The following TSPAN9 variants were observed in gnomAD, a reference collection of about 807,000 sequenced individuals.
The protein encoded by TSPAN9 is tetraspanin 9.
TSPAN9 carries 16 observed loss-of-function variants against 31.0 expected under a neutral mutation model. The ratio of observed to expected loss-of-function variants is 0.52; its 90% CI spans 0.35 to 0.78. The LOEUF (loss-of-function observed/expected upper bound fraction) is 0.78, where lower values mean the gene tolerates loss of function less well. TSPAN9 is among the 30% of genes least tolerant of loss of function. The pLI is 0.01. For synonymous variants in TSPAN9, 145 were observed against 121.6 expected, an observed-to-expected ratio of 1.19 and a Z score of -1.27; for missense variants, 272 against 312.5, an observed-to-expected ratio of 0.87 and a Z score of 0.98.
At chr12:3,211,037 C>T (rs542893883) in intron 3 of TSPAN9, among the ~76,000 whole-genome samples, 4 of 152,300 alleles carry the variant, frequency 2.6e-5, no homozygotes, top group African/African-American at 9.6e-5. Flanking sequence ...TGAGCCACGG[C>T]GCCCTGCTTC....
At chr12:3,137,283 G>C (rs2098332551) in intron 2 of TSPAN9, among the ~76,000 whole-genome samples, 1 of 152,154 alleles carries the variant, frequency 6.6e-6, no homozygotes, top group Non-Finnish European at 1.5e-5. Flanking sequence ...CCCGCAGCTG[G>C]GCCCTGCCCA....
intron 3 of TSPAN9, among the ~76,000 whole-genome samples, chr12:3,246,827 C>G (rs1002072598): frequency 6.6e-6 from 1 of 152,226 alleles, no homozygotes; most frequent in African/African-American, 2.4e-5. Context: ...AGGAACTGCC[C>G]TAGGACCAGG....
chr12:3,241,792 C>T (rs1013642892), intron 3 of TSPAN9, among the ~76,000 whole-genome samples: 11 of 152,116 alleles, frequency 7.2e-5, no homozygotes, highest in African/African-American at 2.4e-4. Flanking sequence ...GCCTGGGCTC[C>T]GGTGTGTGTC....
At chr12:3,109,151 T>A (rs1057149783) in intron 2 of TSPAN9, among the ~76,000 whole-genome samples, 1 of 151,892 alleles carries the variant, frequency 6.6e-6, no homozygotes, top group Admixed American at 6.6e-5. Context: ...TTAGCCAGGA[T>A]GGTCTCGATC....
intron 6 of TSPAN9, 36 bp from the exon 7 acceptor site, chr12:3,281,162 G>A (rs767835818): frequency 6.5e-6 from 10 of 1,549,864 alleles, no homozygotes; most frequent in Non-Finnish European, 8.7e-6. Context: ...GCGGGCCATG[G>A]CATGTCTGAC....
intron 2 of TSPAN9, among the ~76,000 whole-genome samples, chr12:3,114,013 C>T (rs2098320711): frequency 6.6e-6 from 1 of 152,246 alleles, no homozygotes; most frequent in South Asian, 2.1e-4. Flanking sequence ...CCCTGACTGT[C>T]ATCCTCAGTG....
At chr12:3,219,732 A>T (rs1281254727) in intron 3 of TSPAN9, among the ~76,000 whole-genome samples, 3 of 151,952 alleles carry the variant, frequency 2.0e-5, no homozygotes, top group Admixed American at 2.0e-4. Context: ...TAGGGGAGGG[A>T]TAGCATTAGG....
In TSPAN9 at chr12:3,281,317, T is replaced by C. The variant is rs1055001868; in HGVS notation, c.552T>C (p.Pro184=). ...GCTGCGGGCGCAACGCCACCACGCC[T>C]TTGTGGAGAACGGTGAGGCTGGGGA... ...SQGCGRNATT[P]LWRTGCYEKV... is the part of the protein sequence containing the mutation. The change falls in exon 7 of 9, where the codon CCT becomes CCC. Residue 184 remains proline, a synonymous_variant. Coordinates refer to ENST00000011898, the MANE Select transcript of TSPAN9 (RefSeq NM_006675.5). The C allele has an allele frequency of 1.1e-5, 17 of 1,549,812 alleles. No homozygotes were observed. The African/African-American group carries it at 2.3e-4, about 21-fold the overall frequency.
intron 2 of TSPAN9, among the ~76,000 whole-genome samples, chr12:3,154,010 ATGTG>A (rs56928697): frequency 5.3e-4 from 78 of 147,972 alleles, no homozygotes; most frequent in South Asian, 2.2e-3. Flanking sequence ...TTATATATAT[ATGTG>A]TGTGTGTGTG....
At chr12:3,207,000 A>G (rs1473371755) in intron 3 of TSPAN9, among the ~76,000 whole-genome samples, 1 of 152,020 alleles carries the variant, frequency 6.6e-6, no homozygotes, top group Non-Finnish European at 1.5e-5. Context: ...TCCAAGGGGG[A>G]GACAGCACCT....
intron 2 of TSPAN9, among the ~76,000 whole-genome samples, chr12:3,185,512 C>T (rs1004114577): frequency 1.3e-5 from 2 of 152,170 alleles, no homozygotes; most frequent in African/African-American, 4.8e-5. Flanking sequence ...AGTTTCCAGT[C>T]TGTGTAGAGA....
At chr12:3,134,388 C>A (rs2098331157) in intron 2 of TSPAN9, among the ~76,000 whole-genome samples, 1 of 152,186 alleles carries the variant, frequency 6.6e-6, no homozygotes, top group East Asian at 1.9e-4. Context: ...CCGAGATGAT[C>A]ATTCATTGTA....
Position 3,280,468 on chromosome 12 carries a change from C to T in TSPAN9, c.417C>T (p.Asn139=). The T allele has an allele frequency of 6.2e-7, 1 of 1,612,580 alleles. No individual in the cohort carries two copies. The highest frequency in any genetic ancestry group is 8.5e-7 in the Non-Finnish European group (1 of 1,179,920). ...ACGTGGGGCTGAAGAACGCCTGGAA[C>T]ATCATCCAGGCTGAGGTGCGGGCTG... ...ENNVGLKNAW[N]IIQAEMRCCG... Residue 139 remains asparagine, a synonymous_variant, in exon 6 of 9, where the codon AAC becomes AAT. Coordinates refer to ENST00000011898, the MANE Select transcript of TSPAN9 (RefSeq NM_006675.5). The surrounding 1 kb of genome is among the most constrained non-coding windows in gnomAD (Gnocchi z 4.5).
chr12:3,262,700 T>A (rs962184418), intron 3 of TSPAN9, among the ~76,000 whole-genome samples: 1 of 152,036 alleles, frequency 6.6e-6, no homozygotes, highest in Non-Finnish European at 1.5e-5. Context: ...CTGTAATTGG[T>A]CAGAGGCCGC....
At chr12:3,260,110 G>A (rs918859081) in intron 3 of TSPAN9, among the ~76,000 whole-genome samples, 4 of 152,384 alleles carry the variant, frequency 2.6e-5, no homozygotes, top group African/African-American at 9.6e-5. Flanking sequence ...GCACGTGGGT[G>A]CAGGAGGCTG....
intron 2 of TSPAN9, among the ~76,000 whole-genome samples, chr12:3,171,224 A>G (rs149329876): frequency 6.6e-6 from 1 of 152,010 alleles, no homozygotes; most frequent in East Asian, 1.9e-4. Flanking sequence ...TATGATATAT[A>G]TATTCTTTTT....
intron 2 of TSPAN9, among the ~76,000 whole-genome samples, chr12:3,135,830 C>T (rs1380511342): frequency 6.6e-6 from 1 of 152,222 alleles, no homozygotes; most frequent in African/African-American, 2.4e-5. Flanking sequence ...CAGACGTACC[C>T]TGTGTCCAAC....
chr12:3,248,474 T>C (rs60250999), intron 3 of TSPAN9, among the ~76,000 whole-genome samples: 4,533 of 152,252 alleles, frequency 0.03, 111 homozygotes, highest in African/African-American at 0.067. Context: ...TCTCCTGCCC[T>C]CTCTTGTTCT....
chr12:3,186,576 G>GTGTGTGTA (rs386375427), intron 2 of TSPAN9, among the ~76,000 whole-genome samples: 177 of 146,362 alleles, frequency 1.2e-3, no homozygotes, highest in African/African-American at 4.4e-3. Flanking sequence ...GTGTGTGTGT[G>GTGTGTGTA]TATACACACA....
Sources: allele counts gnomAD v4.1 joint callset (sites outside exome capture counted in the v4.1 genomes callset), GRCh38; gene constraint gnomAD v4.1.1; non-coding constraint Gnocchi (gnomAD v3.1); transcripts MANE v1.5; gene names NCBI Gene and HGNC (gene_info 2026-07-23, HGNC 2026-07-21).